FHIT: variants seen among roughly 807,000 people sequenced by gnomAD.
FHIT encodes the protein bis(5'-adenosyl)-triphosphatase.
A neutral mutation model predicts 17.9 loss-of-function variants in FHIT; 19 were observed. That is an observed-to-expected ratio of 1.06 (90% CI 0.74 to 1.56). The LOEUF (loss-of-function observed/expected upper bound fraction) is 1.56, where lower values mean the gene tolerates loss of function less well. FHIT is among the 40% of genes most tolerant of loss of function. The probability of loss-of-function intolerance (pLI) is 0.00; values close to 1 mark genes in which losing one functional copy is unlikely to be tolerated. For synonymous variants in FHIT, 81 were observed against 69.7 expected, an observed-to-expected ratio of 1.16 and a Z score of -0.81; for missense variants, 248 against 189.2, an observed-to-expected ratio of 1.31 and a Z score of -1.82.
intron 5 of FHIT, among the ~76,000 whole-genome samples, chr3:60,306,983 A>G (rs1284330386): frequency 6.6e-6 from 1 of 152,134 alleles, no homozygotes; most frequent in Non-Finnish European, 1.5e-5. Context: ...TCTGACAGAA[A>G]TCCTGTGAAG....
At chr3:60,990,191 G>T (rs7374366) in intron 3 of FHIT, among the ~76,000 whole-genome samples, 1 of 152,150 alleles carries the variant, frequency 6.6e-6, no homozygotes, top group Non-Finnish European at 1.5e-5. Context: ...GGAAATTTAA[G>T]TCTACATCCG....
intron 8 of FHIT, among the ~76,000 whole-genome samples, chr3:59,781,158 GC>G (rs773118835): frequency 1.6e-4 from 25 of 152,292 alleles, no homozygotes; most frequent in Non-Finnish European, 3.2e-4. Flanking sequence ...TGCACTGTGA[GC>G]AAGGCCTGAC....
chr3:61,226,114 T>C lies in FHIT; in HGVS notation c.-213+25187A>G, dbSNP rs1267272199. On this transcript the variant is annotated intron_variant, in intron 1 of 9. Transcript: ENST00000492590. ...TACTAAAACAGTTTTCTTCCCTGTC[T>C]AAAGAACACAAAAAGCCCTGTGCCC... Among the ~76,000 whole-genome samples the C allele has an allele frequency of 2.0e-5, 3 of 152,180 alleles. No homozygotes were observed. The East Asian group carries it at 5.8e-4, about 29-fold the overall frequency.
At chr3:61,128,544 G>A (rs2036675330) in intron 2 of FHIT, among the ~76,000 whole-genome samples, 1 of 152,014 alleles carries the variant, frequency 6.6e-6, no homozygotes, top group South Asian at 2.1e-4. Flanking sequence ...TCATGATGAT[G>A]TCCCATCCAC....
At chr3:59,916,685 C>T (rs1455541916) in intron 8 of FHIT, among the ~76,000 whole-genome samples, 1 of 152,136 alleles carries the variant, frequency 6.6e-6, no homozygotes, top group Admixed American at 6.5e-5. Context: ...GATGCTTACC[C>T]AGCTTTCTCA....
chr3:60,590,956 GA>G (rs1398187013), intron 4 of FHIT, among the ~76,000 whole-genome samples: 1 of 151,982 alleles, frequency 6.6e-6, no homozygotes, highest in Non-Finnish European at 1.5e-5. Context: ...ATCCAGGGGG[GA>G]AAAATGGACA....
intron 5 of FHIT, 31 bp from the exon 6 acceptor site, chr3:60,014,183 C>A: frequency 6.2e-7 from 1 of 1,611,768 alleles, no homozygotes. Flanking sequence ...GCCCATGCTG[C>A]TGGCTTTGGG....
intron 5 of FHIT, among the ~76,000 whole-genome samples, chr3:60,474,248 T>C (rs1295253774): frequency 6.6e-6 from 1 of 152,190 alleles, no homozygotes; most frequent in Non-Finnish European, 1.5e-5. Context: ...TTTTCTTCAT[T>C]AAGCTTATTT....
intron 4 of FHIT, among the ~76,000 whole-genome samples, chr3:60,713,607 TC>T (rs1399751681): frequency 6.6e-6 from 1 of 152,090 alleles, no homozygotes; most frequent in Non-Finnish European, 1.5e-5. Flanking sequence ...TCATCACTGA[TC>T]CCACAGAAAT....
intron 8 of FHIT, among the ~76,000 whole-genome samples, chr3:59,802,673 A>T (rs964129102): frequency 2.6e-5 from 4 of 152,102 alleles, no homozygotes; most frequent in Admixed American, 2.6e-4. Context: ...CACCCAGGTG[A>T]TTAAAAAGCT....
chr3:60,857,567 G>GAC (rs1553750292), intron 3 of FHIT, among the ~76,000 whole-genome samples: 51 of 152,038 alleles, frequency 3.4e-4, no homozygotes, highest in African/African-American at 1.2e-3. Flanking sequence ...GCTTGCCACA[G>GAC]AGTTAGCATG....
At chr3:60,261,929 C>G (rs1366659813) in intron 5 of FHIT, among the ~76,000 whole-genome samples, 2 of 151,992 alleles carry the variant, frequency 1.3e-5, no homozygotes, top group Non-Finnish European at 2.9e-5. Context: ...ACAGGCCTTC[C>G]CAAGTCAGCC....
At chr3:60,252,867 G>A (rs6768904) in intron 5 of FHIT, among the ~76,000 whole-genome samples, 5,241 of 151,750 alleles carry the variant, frequency 0.035, 304 homozygotes, top group African/African-American at 0.12. Flanking sequence ...GCGTGGTGGC[G>A]GGTGCCTGTA....
intron 5 of FHIT, among the ~76,000 whole-genome samples, chr3:60,038,361 T>C (rs1701307451): frequency 6.6e-6 from 1 of 152,192 alleles, no homozygotes; most frequent in African/African-American, 2.4e-5. Context: ...AAGCCTATTA[T>C]ATTAGGAATA....
chr3:60,075,257 G>C (rs566230207), intron 5 of FHIT, among the ~76,000 whole-genome samples: 1 of 152,056 alleles, frequency 6.6e-6, no homozygotes, highest in African/African-American at 2.4e-5. Context: ...AAAGTGGGGA[G>C]CTCCTTTAAA....
intron 3 of FHIT, among the ~76,000 whole-genome samples, chr3:60,966,337 C>T (rs1553783401): frequency 6.6e-6 from 1 of 152,204 alleles, no homozygotes; most frequent in African/African-American, 2.4e-5. Context: ...TACCGTCTCT[C>T]ACGGCTTCTC....
At chr3:60,447,300 GTTAAT>G (rs1225283832) in intron 5 of FHIT, among the ~76,000 whole-genome samples, 1 of 151,992 alleles carries the variant, frequency 6.6e-6, no homozygotes, top group Admixed American at 6.6e-5. Flanking sequence ...AAGTCCTCAG[GTTAAT>G]TTAATAGAGT....
intron 2 of FHIT, chr3:61,165,635 G>A (rs1454526795): frequency 1.3e-5 from 2 of 152,346 alleles, no homozygotes; most frequent in Admixed American, 6.5e-5. Context: ...AGCAGTTCAA[G>A]ACCAGCCTGG....
At chr3:61,082,484 A>G (rs906802160) in intron 2 of FHIT, among the ~76,000 whole-genome samples, 3 of 152,154 alleles carry the variant, frequency 2.0e-5, no homozygotes. Flanking sequence ...AATGTTGATG[A>G]CCATTCAGAT....
Sources: gnomAD v4.1 joint callset for allele counts (sites outside exome capture counted in the v4.1 genomes callset) on GRCh38, gnomAD v4.1.1 for gene constraint, MANE v1.5 for transcripts, NCBI Gene and HGNC (gene_info 2026-07-23, HGNC 2026-07-21) for gene names.